The following CHCHD4 variants were observed in gnomAD, a reference collection of about 807,000 sequenced individuals.
The protein encoded by CHCHD4 is coiled-coil-helix-coiled-coil-helix domain containing 4, also known as mitochondrial intermembrane space import and assembly protein 40.
In CHCHD4, 7 loss-of-function variants were observed where a neutral mutation model predicts 12.4. The observed-to-expected ratio is 0.57, with a 90% CI of 0.32 to 1.06. The LOEUF (loss-of-function observed/expected upper bound fraction) is 1.06. Among genes scored for constraint, CHCHD4 ranks in the 50% least tolerant of loss-of-function variants. The probability of loss-of-function intolerance (pLI) is 0.04; values close to 1 mark genes in which losing one functional copy is unlikely to be tolerated. For missense variants in CHCHD4, 143 were observed against 175.1 expected, an observed-to-expected ratio of 0.82 and a Z score of 1.03; for synonymous variants, 56 against 58.0, an observed-to-expected ratio of 0.97 and a Z score of 0.16.
At chr3:14,114,239 T>C (rs1465877821) in intron 2 of CHCHD4, among the ~76,000 whole-genome samples, 2 of 152,164 alleles carry the variant, frequency 1.3e-5, no homozygotes, top group East Asian at 1.9e-4. Context: ...TGTTCCTTAC[T>C]TGTAAAATGG....
At chr3:14,123,782 A>G (rs1212005702) in intron 1 of CHCHD4, among the ~76,000 whole-genome samples, 1 of 152,164 alleles carries the variant, frequency 6.6e-6, no homozygotes, top group African/African-American at 2.4e-5. Flanking sequence ...GTTAGGTGGG[A>G]GCTCAGGGCC....
At chr3:14,115,181 GTA>G (rs1177802231) in intron 2 of CHCHD4, among the ~76,000 whole-genome samples, 2 of 152,018 alleles carry the variant, frequency 1.3e-5, no homozygotes, top group East Asian at 3.9e-4. Flanking sequence ...TTTTTACAAA[GTA>G]TTCACTATAA....
At chr3:14,119,199 A>G (rs1694907788) in intron 1 of CHCHD4, 1 of 152,288 alleles carries the variant, frequency 6.6e-6, no homozygotes, top group South Asian at 2.1e-4. Context: ...GATCGAAAGT[A>G]GAACAGTAAC....
intron 2 of CHCHD4, among the ~76,000 whole-genome samples, chr3:14,113,729 G>A (rs1363717069): frequency 6.6e-6 from 1 of 152,132 alleles, no homozygotes; most frequent in Non-Finnish European, 1.5e-5. Flanking sequence ...GACGAAGAAA[G>A]ATGTCCAAGA....
rs370196571 is a variant in CHCHD4 at position 14,116,410 on chromosome 3, G to A, written c.121+16C>T. On this transcript the variant is annotated intron_variant, in intron 2 of 2. Transcript: ENST00000396914. ...GTGCCCTGGTGTGGGTCCCTGGGAG[G>A]CCACATGTCACTCACCATGCTCCTC... is the stretch of plus-strand genomic sequence containing the variant. 5 of 1,551,320 alleles carry A rather than the reference G, an allele frequency of 3.2e-6. No homozygotes were observed. The African/African-American group carries it at 7.0e-5, about 22-fold the overall frequency.
At chr3:14,121,475 AC>A (rs1329814285) in intron 1 of CHCHD4, among the ~76,000 whole-genome samples, 2 of 152,192 alleles carry the variant, frequency 1.3e-5, no homozygotes, top group Non-Finnish European at 2.9e-5. Context: ...ATCTTTATAC[AC>A]CAGAATCTCT....
At chr3:14,120,131 C>A (rs1357594885) in intron 1 of CHCHD4, among the ~76,000 whole-genome samples, 1 of 152,078 alleles carries the variant, frequency 6.6e-6, no homozygotes, top group Non-Finnish European at 1.5e-5. Flanking sequence ...GAGTGGGGAA[C>A]TGGAGGCCCG....
At chr3:14,114,741 G>A (rs1253061384) in intron 2 of CHCHD4, among the ~76,000 whole-genome samples, 1 of 152,134 alleles carries the variant, frequency 6.6e-6, no homozygotes, top group East Asian at 1.9e-4. Context: ...CAGGTAAGCT[G>A]GAATGAGATA....
chr3:14,112,854 A>C lies in CHCHD4; in HGVS notation c.*33T>G. On this transcript the variant is annotated 3_prime_UTR_variant, in exon 3 of 3. Transcript: ENST00000396914. ...GGCCTTTTGCAAAAGGTCCACTCCAAAAGGACTGGTGCCCAGTGCCTTGTG... is the reference window on the plus strand; with the variant it reads ...GGCCTTTTGCAAAAGGTCCACTCCACAAGGACTGGTGCCCAGTGCCTTGTG... 1 of 1,575,644 alleles carries C rather than the reference A, an allele frequency of 6.3e-7. No homozygotes were observed. Among genetic ancestry groups the C allele is most frequent in the Non-Finnish European group, 8.6e-7 (1 of 1,160,164 alleles).
chr3:14,114,787 C>T (rs1389087687), intron 2 of CHCHD4, among the ~76,000 whole-genome samples: 4 of 152,126 alleles, frequency 2.6e-5, no homozygotes, highest in African/African-American at 7.2e-5. Context: ...ATTTGCATTT[C>T]AGGGACACAA....
chr3:14,124,548 G>T, intron 1 of CHCHD4, 107 bp downstream of exon 1: 1 of 1,046,670 alleles, frequency 9.6e-7, no homozygotes. Flanking sequence ...GGGCACCTGG[G>T]CCGCGCCTCA....
At chr3:14,120,101 C>A (rs557629081) in intron 1 of CHCHD4, among the ~76,000 whole-genome samples, 223 of 152,250 alleles carry the variant, frequency 1.5e-3, no homozygotes, top group Non-Finnish European at 2.6e-4. Context: ...AACTCAGTCC[C>A]CACCCCAGAA....
chr3:14,124,628 G>A (rs1694984990), intron 1 of CHCHD4, 27 bp downstream of exon 1: 2 of 1,504,442 alleles, frequency 1.3e-6, no homozygotes, highest in Non-Finnish European at 1.8e-6. Context: ...TCGTAGGCCG[G>A]TCTCCGTGGC....
At chr3:14,118,241 A>C (rs1035154211) in intron 1 of CHCHD4, among the ~76,000 whole-genome samples, 1 of 152,222 alleles carries the variant, frequency 6.6e-6, no homozygotes, top group African/African-American at 2.4e-5. Context: ...CATGGCTCTG[A>C]GTGAGTGGCC....
intron 1 of CHCHD4, 102 bp downstream of exon 1, chr3:14,124,553 G>C: frequency 1.8e-6 from 2 of 1,113,316 alleles, no homozygotes. Flanking sequence ...CCTGGGCCGC[G>C]CCTCAGGTGG....
chr3:14,116,190 T>C (rs199514256), intron 2 of CHCHD4, among the ~76,000 whole-genome samples: 1 of 152,184 alleles, frequency 6.6e-6, no homozygotes, highest in Non-Finnish European at 1.5e-5. Context: ...AATCTACTAA[T>C]ACCCTCTCCC....
intron 2 of CHCHD4, among the ~76,000 whole-genome samples, chr3:14,116,170 T>C (rs1694874111): frequency 6.6e-6 from 1 of 152,208 alleles, no homozygotes; most frequent in African/African-American, 2.4e-5. Context: ...AACCTACCTA[T>C]AACTGCTGGA....
chr3:14,124,828 G>C lies in CHCHD4; in HGVS notation c.-152C>G. On this transcript the variant is annotated 5_prime_UTR_variant, in exon 1 of 3. Transcript: ENST00000396914. ...GGCCTGCCCGCCGCGCGCCTGCCTC[G>C]GCGCCCTCGCAACCGCGGCCAGGCC... 1 of 932,992 alleles carries C rather than the reference G, an allele frequency of 1.1e-6. No homozygotes were observed. The highest frequency in any genetic ancestry group is 1.6e-6 in the Non-Finnish European group (1 of 640,474). 57.8% of individuals were successfully genotyped at this position (932,992 alleles called of 1,614,324 possible). A position where few individuals can be genotyped will look rare whatever the true frequency, so the allele number is the denominator to read the frequency against.
chr3:14,122,814 G>A (rs1296691846), intron 1 of CHCHD4, among the ~76,000 whole-genome samples: 4 of 152,208 alleles, frequency 2.6e-5, no homozygotes, highest in African/African-American at 7.2e-5. Context: ...GGGTCAGGAG[G>A]TGATATTGGA....
Sources: allele counts gnomAD v4.1 joint callset (sites outside exome capture counted in the v4.1 genomes callset), GRCh38; gene constraint gnomAD v4.1.1; transcripts MANE v1.5; gene names NCBI Gene and HGNC (gene_info 2026-07-23, HGNC 2026-07-21).